Variants in ST6GAL2 observed in about 807,000 individuals in gnomAD.
The protein encoded by ST6GAL2 is beta-galactoside alpha-2,6-sialyltransferase 2.
ST6GAL2 carries 24 observed loss-of-function variants against 37.5 expected under a neutral mutation model. That is an observed-to-expected ratio of 0.64 (90% CI 0.46 to 0.90). The LOEUF is 0.90. Ranked by LOEUF, ST6GAL2 falls within the 40% of genes least tolerant of loss-of-function variation. The pLI is 0.00. For missense variants in ST6GAL2, 715 were observed against 712.7 expected (o/e 1.00, Z -0.04); for synonymous variants, 306 against 295.1 (o/e 1.04, Z -0.38).
chr2:106,827,716 C>T (rs905723301), intron 5 of ST6GAL2, among the ~76,000 whole-genome samples: 1 of 152,184 alleles, frequency 6.6e-6, no homozygotes, highest in Non-Finnish European at 1.5e-5. Flanking sequence ...CCATCAGGAG[C>T]ACACGGTGAC....
chr2:106,808,244 TGGA>T (rs1675490309), intron 5 of ST6GAL2, among the ~76,000 whole-genome samples: 1 of 151,818 alleles, frequency 6.6e-6, no homozygotes, highest in Non-Finnish European at 1.5e-5. Context: ...TGCCCAAAGG[TGGA>T]GAAGTGTGAA....
intron 1 of ST6GAL2, among the ~76,000 whole-genome samples, chr2:106,879,388 CA>C (rs952662429): frequency 1.3e-5 from 2 of 152,126 alleles, no homozygotes; most frequent in African/African-American, 4.8e-5. Flanking sequence ...CTACTACTAT[CA>C]ATTCAACTTT....
In ST6GAL2 at chr2:106,877,888, T is replaced by G. The variant is rs966391730; in HGVS notation, c.-58+8205A>C. Among the ~76,000 whole-genome samples, 6 of 152,316 alleles carry G rather than the reference T, an allele frequency of 3.9e-5. No homozygotes were observed. The South Asian group carries it at 1.2e-3, about 32-fold the overall frequency. ...GCCTTTCAGTTCAGTGAGGAACAGT[T>G]CTAAGGAACAGCCTTGTGACCAAGG... On this transcript the variant is annotated intron_variant, in intron 1 of 5. Transcript: ENST00000409382.
chr2:106,840,322 T>C (rs549593048), intron 2 of ST6GAL2, among the ~76,000 whole-genome samples: 2 of 152,348 alleles, frequency 1.3e-5, no homozygotes, highest in Admixed American at 1.3e-4. Context: ...CTGCCAGAGT[T>C]TGTTTGTATT....
intron 1 of ST6GAL2, among the ~76,000 whole-genome samples, chr2:106,874,950 AT>A (rs1573319978): frequency 6.6e-6 from 1 of 152,204 alleles, no homozygotes; most frequent in African/African-American, 2.4e-5. Context: ...TGGCTGCCAA[AT>A]ATGCAGCTCC....
chr2:106,815,139 G>T (rs990037092), intron 5 of ST6GAL2, among the ~76,000 whole-genome samples: 2 of 152,146 alleles, frequency 1.3e-5, no homozygotes, highest in Non-Finnish European at 2.9e-5. Context: ...ATATCTACTA[G>T]TGTACTTTCT....
chr2:106,865,017 C>T (rs913684588), intron 1 of ST6GAL2, among the ~76,000 whole-genome samples: 1 of 152,000 alleles, frequency 6.6e-6, no homozygotes, highest in Admixed American at 6.6e-5. Flanking sequence ...TTCAAACTAC[C>T]AATGGGATGT....
intron 5 of ST6GAL2, among the ~76,000 whole-genome samples, chr2:106,807,716 C>T (rs56105478): frequency 0.12 from 18,028 of 151,040 alleles, 1,473 homozygotes; most frequent in African/African-American, 0.2. Flanking sequence ...CTCCCCCTTC[C>T]CCGATTCACG....
chr2:106,832,439 C>A, intron 4 of ST6GAL2, 126 bp downstream of exon 4: 1 of 578,588 alleles, frequency 1.7e-6, no homozygotes. Context: ...CACAAACATG[C>A]ATTAAATTGA....
intron 2 of ST6GAL2, among the ~76,000 whole-genome samples, chr2:106,841,420 T>G (rs530603302): frequency 1.3e-5 from 2 of 152,234 alleles, no homozygotes; most frequent in African/African-American, 2.4e-5. Context: ...CAGGACATGA[T>G]TGTTTTATAT....
chr2:106,865,452 A>T (rs1410987138), intron 1 of ST6GAL2, among the ~76,000 whole-genome samples: 1 of 152,244 alleles, frequency 6.6e-6, no homozygotes, highest in Non-Finnish European at 1.5e-5. Context: ...GTACATGTGC[A>T]TCAGTTCTGC....
chr2:106,832,270 A>G (rs1676452637), intron 4 of ST6GAL2, among the ~76,000 whole-genome samples: 1 of 152,244 alleles, frequency 6.6e-6, no homozygotes. Flanking sequence ...GAGTTTAATC[A>G]GTCAACCCTT....
At chr2:106,872,277 G>A (rs562160491) in intron 1 of ST6GAL2, among the ~76,000 whole-genome samples, 1 of 152,214 alleles carries the variant, frequency 6.6e-6, no homozygotes, top group South Asian at 2.1e-4. Context: ...AGAAGATCAA[G>A]TTTTCTTCTT....
intron 5 of ST6GAL2, among the ~76,000 whole-genome samples, chr2:106,823,441 A>AC: frequency 8.6e-5 from 7 of 81,186 alleles, no homozygotes; most frequent in Non-Finnish European, 1.4e-4. Context: ...TCCCAGCAGA[A>AC]AACACACACA....
At chr2:106,854,844 C>T (rs944980629) in intron 1 of ST6GAL2, among the ~76,000 whole-genome samples, 1 of 151,018 alleles carries the variant, frequency 6.6e-6, no homozygotes, top group Non-Finnish European at 1.5e-5. Context: ...GAAGTATTCT[C>T]TCATGTTTTC....
chr2:106,806,417 TG>T lies in ST6GAL2; in HGVS notation c.*260del, dbSNP rs1414962453. On this transcript the variant is annotated 3_prime_UTR_variant, in exon 6 of 6. Coordinates refer to ENST00000409382, the MANE Select transcript of ST6GAL2 (RefSeq NM_001142351.2). The stretch of plus-strand genomic sequence containing the variant: ...AACATTTCTGGAGGTATCATACCCA[TG>T]GTCATACATGTGTTTTCTTTCTAGC... The T allele has an allele frequency of 9.1e-6, 4 of 437,300 alleles. No individual in the cohort carries two copies. Among genetic ancestry groups the T allele is most frequent in the African/African-American group, 2.0e-5 (1 of 50,396 alleles). The allele number at this position is 437,300 out of a possible 1,614,324, so 27.1% of individuals were successfully genotyped here.
chr2:106,814,409 A>G (rs1288086416), intron 5 of ST6GAL2, among the ~76,000 whole-genome samples: 1 of 152,134 alleles, frequency 6.6e-6, no homozygotes, highest in Non-Finnish European at 1.5e-5. Flanking sequence ...TTGTGCATCT[A>G]TAAATTGGCC....
Position 106,803,503 on chromosome 2 carries a change from A to C in ST6GAL2, c.*3175T>G, listed in dbSNP as rs1675322183. ...AGCATCGGTATTCCATGAGAACACC[A>C]GGTCTGTTAAAGGTTACCCGTCTGC... On this transcript the variant is annotated 3_prime_UTR_variant, in exon 6 of 6. Coordinates refer to ENST00000409382, the MANE Select transcript of ST6GAL2 (RefSeq NM_001142351.2). 2 of 152,214 alleles carry C rather than the reference A, an allele frequency of 1.3e-5. No individual in the cohort carries two copies. 9.4% of individuals were successfully genotyped at this position (152,214 alleles called of 1,614,324 possible).
At position 106,886,122 on chromosome 2, in the gene ST6GAL2, C is replaced by G. The variant is rs887703162; in HGVS notation, c.-87G>C. The G allele has an allele frequency of 6.6e-6, 1 of 152,358 alleles. No homozygotes were observed. Among genetic ancestry groups the G allele is most frequent in the Non-Finnish European group, 1.5e-5 (1 of 68,146 alleles). 9.4% of individuals were successfully genotyped at this position (152,358 alleles called of 1,614,324 possible). A position where few individuals can be genotyped will look rare whatever the true frequency, so the allele number is the denominator to read the frequency against. On this transcript the variant is annotated 5_prime_UTR_variant, in exon 1 of 6. Transcript: ENST00000409382. The stretch of plus-strand genomic sequence containing the variant: ...CTTCTTCCCACGCCGCGCCTCGAAG[C>G]GCACGACACCGTGGTGCTCGGTGCT...
Sources: allele counts gnomAD v4.1 joint callset (sites outside exome capture counted in the v4.1 genomes callset), GRCh38; gene constraint gnomAD v4.1.1; transcripts MANE v1.5; gene names NCBI Gene and HGNC (gene_info 2026-07-23, HGNC 2026-07-21).